The following ADGRD1 variants were observed in gnomAD, a reference collection of about 807,000 sequenced individuals.
ADGRD1 encodes the protein adhesion G protein-coupled receptor D1.
Under a neutral mutation model 113.4 loss-of-function variants are expected in ADGRD1, and 77 were observed. The observed-to-expected ratio is 0.68, with a 90% CI of 0.57 to 0.82. The LOEUF is 0.82. Ranked by LOEUF, ADGRD1 falls within the 40% of genes least tolerant of loss-of-function variation. The pLI is 0.00. For synonymous variants in ADGRD1, 474 were observed against 475.0 expected, an observed-to-expected ratio of 1.00 and a Z score of 0.03; for missense variants, 1,036 against 1,139.1, an observed-to-expected ratio of 0.91 and a Z score of 1.30.
At chr12:130,997,960 C>G (rs868317180) in intron 8 of ADGRD1, among the ~76,000 whole-genome samples, 1 of 152,156 alleles carries the variant, frequency 6.6e-6, no homozygotes, top group Admixed American at 6.5e-5. Flanking sequence ...CCCGCACCTC[C>G]GGAGGCTGAG....
intron 20 of ADGRD1, among the ~76,000 whole-genome samples, chr12:131,125,577 T>C (rs188508556): frequency 3.4e-4 from 52 of 152,222 alleles, no homozygotes; most frequent in African/African-American, 1.0e-3. Context: ...GATACAGATA[T>C]AGGCAGATAC....
At chr12:130,998,262 C>A (rs921128331) in intron 8 of ADGRD1, among the ~76,000 whole-genome samples, 3 of 152,076 alleles carry the variant, frequency 2.0e-5, no homozygotes, top group Admixed American at 2.0e-4. Flanking sequence ...AGACCAAATA[C>A]AAGACATCTA....
rs141439159 is a variant in ADGRD1 at position 131,120,897 on chromosome 12, C to T, written c.2159C>T (p.Ala720Val). ...GCCATCTGGGCCTTTGTAGCCCCTG[C>T]CCTGTTTGTCATCGTGGTACGTTTC... Reference protein sequence around the residue: ...SGAIWAFVAPALFVIVVNIGI... With the variant: ...SGAIWAFVAPVLFVIVVNIGI... The change falls in exon 20 of 25, where the codon GCC becomes GTC. Residue 720 changes from alanine (A) to valine (V), a missense_variant. By Grantham distance (64) the Ala-to-Val change is moderately conservative. Coordinates refer to ENST00000261654, the MANE Select transcript of ADGRD1 (RefSeq NM_198827.5). 1.9e-6 allele frequency: 3 copies of T among 1,614,094 alleles called. No homozygotes were observed. Among genetic ancestry groups the T allele is most frequent in the Non-Finnish European group, 2.5e-6 (3 of 1,179,978 alleles).
In ADGRD1 at chr12:130,991,070, A is replaced by C. The variant is rs1270504595; in HGVS notation, c.802A>C (p.Ser268Arg). The C allele has an allele frequency of 6.2e-7, 1 of 1,613,822 alleles. No individual in the cohort carries two copies. The highest frequency in any genetic ancestry group is 1.1e-5 in the South Asian group (1 of 91,070). The change falls in exon 7 of 25, where the codon AGC (serine) becomes CGC (arginine). Residue 268 changes from serine (S) to arginine (R), a missense_variant. Physicochemically the swap from Ser to Arg is moderately radical, Grantham distance 110. Coordinates refer to ENST00000261654, the MANE Select transcript of ADGRD1 (RefSeq NM_198827.5). Reference protein sequence around the residue: ...LPSLFMTSTASPVMPTDAYHP... With the variant: ...LPSLFMTSTARPVMPTDAYHP... ...AAGCCTCTTCATGACATCCACAGCAAGCCCCGTGGTGAGCAGACACATCTT... is the reference window on the plus strand; with the variant it reads ...AAGCCTCTTCATGACATCCACAGCACGCCCCGTGGTGAGCAGACACATCTT...
At chr12:131,064,890 C>T (rs1045043584) in intron 13 of ADGRD1, among the ~76,000 whole-genome samples, 2 of 152,268 alleles carry the variant, frequency 1.3e-5, no homozygotes, top group Middle Eastern at 3.4e-3. Flanking sequence ...GGTGAGCGTT[C>T]CTGCCTAGAT....
chr12:131,044,748 A>G (rs1230428072), intron 13 of ADGRD1, among the ~76,000 whole-genome samples: 1 of 152,110 alleles, frequency 6.6e-6, no homozygotes, highest in Non-Finnish European at 1.5e-5. Context: ...CTTTTTACAC[A>G]CACACGACGG....
intron 12 of ADGRD1, among the ~76,000 whole-genome samples, chr12:131,011,335 G>A (rs1361107326): frequency 1.3e-5 from 2 of 151,782 alleles, no homozygotes; most frequent in African/African-American, 4.9e-5. Flanking sequence ...TGTTCCCGGA[G>A]CGGAATCCAG....
At chr12:130,977,993 A>C (rs1872530126) in intron 4 of ADGRD1, 1 of 152,486 alleles carries the variant, frequency 6.6e-6, no homozygotes, top group South Asian at 2.1e-4. Flanking sequence ...GACTCGTCCC[A>C]GACCAGCTGT....
At position 130,982,028 on chromosome 12, in the gene ADGRD1, A is replaced by G; in HGVS notation, c.455A>G (p.Asn152Ser). ...RGSVELYTRD[N>S]SMTWEASFSP... ...TCTGTGGAGCTGTATACGCGGGACA[A>G]TTCCATGACATGGGAGGCCTCCTTC... Residue 152 changes from asparagine to serine, a missense_variant, in exon 5 of 25, where the codon AAT (asparagine) becomes AGT (serine). Coordinates refer to ENST00000261654, the MANE Select transcript of ADGRD1 (RefSeq NM_198827.5). 1 of 1,613,974 alleles carries G rather than the reference A, an allele frequency of 6.2e-7. No homozygotes were observed. The highest frequency in any genetic ancestry group is 8.5e-7 in the Non-Finnish European group (1 of 1,179,950).
chr12:130,968,854 C>T (rs1410523866), intron 3 of ADGRD1: 9 of 643,486 alleles, frequency 1.4e-5, no homozygotes, highest in Middle Eastern at 2.5e-4. Flanking sequence ...AAGAGAAAGT[C>T]CAGGGTGCTC....
rs1188372266 is a variant in ADGRD1, at chr12:131,141,203, A to T, written c.*1940A>T. On this transcript the variant is annotated 3_prime_UTR_variant, in exon 25 of 25. Transcript: ENST00000261654. The stretch of plus-strand genomic sequence containing the variant: ...ATTATTTGTTTTTAATTGTTGCCGT[A>T]TTCATCTATATAGCTAATATTTCAA... 1.3e-5 allele frequency: 2 copies of T among 152,260 alleles called. No individual in the cohort carries two copies. The highest frequency in any genetic ancestry group is 2.9e-5 in the Non-Finnish European group (2 of 68,046). 9.4% of individuals were successfully genotyped at this position (152,260 alleles called of 1,614,324 possible). A position where few individuals can be genotyped will look rare whatever the true frequency, so the allele number is the denominator to read the frequency against.
chr12:131,129,958 A>T (rs1423263552), intron 20 of ADGRD1, among the ~76,000 whole-genome samples: 1 of 152,252 alleles, frequency 6.6e-6, no homozygotes, highest in Non-Finnish European at 1.5e-5. Context: ...AGTGACCATC[A>T]GCCATCTGCA....
chr12:131,040,908 C>G (rs1335334169), intron 13 of ADGRD1, among the ~76,000 whole-genome samples: 1 of 152,236 alleles, frequency 6.6e-6, no homozygotes, highest in Non-Finnish European at 1.5e-5. Context: ...ACGATTCTTA[C>G]CTTAGCATCA....
chr12:131,009,189 T>G (rs1877560641), intron 12 of ADGRD1, among the ~76,000 whole-genome samples: 1 of 152,258 alleles, frequency 6.6e-6, no homozygotes, highest in South Asian at 2.1e-4. Context: ...TGTCTCTTGC[T>G]GTCACGTCAT....
At chr12:131,073,931 C>T (rs928300531) in intron 13 of ADGRD1, among the ~76,000 whole-genome samples, 1 of 152,060 alleles carries the variant, frequency 6.6e-6, no homozygotes, top group Non-Finnish European at 1.5e-5. Flanking sequence ...ACTTAAAGGC[C>T]CCATCTCCCA....
intron 15 of ADGRD1, among the ~76,000 whole-genome samples, chr12:131,094,337 A>G (rs1018210713): frequency 5.9e-5 from 9 of 152,168 alleles, no homozygotes; most frequent in African/African-American, 2.2e-4. Flanking sequence ...CCATCCCAGC[A>G]TTGACCCGTT....
intron 5 of ADGRD1, among the ~76,000 whole-genome samples, chr12:130,985,588 T>C (rs1464041296): frequency 6.6e-6 from 1 of 151,764 alleles, no homozygotes; most frequent in Non-Finnish European, 1.5e-5. Flanking sequence ...TTGGCTCTTG[T>C]TGTCCAGGCT....
At chr12:131,007,596 G>T (rs1489581928) in intron 12 of ADGRD1, among the ~76,000 whole-genome samples, 1 of 152,204 alleles carries the variant, frequency 6.6e-6, no homozygotes, top group Non-Finnish European at 1.5e-5. Flanking sequence ...GGACACTGGA[G>T]CCCCAGGATG....
chr12:131,030,082 A>AC (rs113384789), intron 13 of ADGRD1, among the ~76,000 whole-genome samples: 48 of 105,482 alleles, frequency 4.6e-4, no homozygotes, highest in African/African-American at 1.6e-3. Context: ...GACCCGTCGT[A>AC]GGTGACATTC....
Sources: allele counts gnomAD v4.1 joint callset (sites outside exome capture counted in the v4.1 genomes callset), GRCh38; gene constraint gnomAD v4.1.1; transcripts MANE v1.5; gene names NCBI Gene and HGNC (gene_info 2026-07-23, HGNC 2026-07-21).